ZNF292: variants seen among roughly 807,000 people sequenced by gnomAD.
ZNF292 encodes zinc finger protein 292.
A neutral mutation model predicts 217.9 loss-of-function variants in ZNF292; 26 were observed. The ratio of observed to expected loss-of-function variants is 0.12; its 90% CI spans 0.09 to 0.17. The LOEUF is 0.17. ZNF292 is among the 10% of genes least tolerant of loss of function. The pLI is 1.00. For missense variants in ZNF292, 2,904 were observed against 3,175.2 expected, an observed-to-expected ratio of 0.91 and a Z score of 2.05; for synonymous variants, 1,257 against 1,124.1, an observed-to-expected ratio of 1.12 and a Z score of -2.37.
Position 87,226,685 on chromosome 6 carries a change from A to AT in ZNF292, c.539-6628dup, listed in dbSNP as rs550372225. Among the ~76,000 whole-genome samples, 244 of 35,894 alleles carry AT rather than the reference A, an allele frequency of 6.8e-3. 1 individual carries two copies. The highest frequency in any genetic ancestry group is 0.035 in the South Asian group (38 of 1,084). 23.5% of individuals were successfully genotyped at this position (35,894 alleles called of 152,430 possible). A position where few individuals can be genotyped will look rare whatever the true frequency, so the allele number is the denominator to read the frequency against. ...GATATATAGATATATAGATATATAG[A>AT]TTTTTTTTTTTTGAGACGGAGTCTC... On this transcript the variant is annotated intron_variant, in intron 4 of 7. Coordinates refer to ENST00000369577, the MANE Select transcript of ZNF292 (RefSeq NM_015021.3).
chr6:87,163,811 A>G (rs954410271), intron 1 of ZNF292, among the ~76,000 whole-genome samples: 1 of 152,194 alleles, frequency 6.6e-6, no homozygotes, highest in African/African-American at 2.4e-5. Context: ...AGCTCAGATA[A>G]ATGGACCAAC....
intron 1 of ZNF292, among the ~76,000 whole-genome samples, chr6:87,158,726 G>C (rs897936626): frequency 6.6e-6 from 1 of 152,082 alleles, no homozygotes. Context: ...TTATCACCTA[G>C]CATTTTGATA....
intron 1 of ZNF292, among the ~76,000 whole-genome samples, chr6:87,197,781 A>G (rs941285667): frequency 2.3e-5 from 3 of 131,896 alleles, no homozygotes; most frequent in Non-Finnish European, 3.2e-5. Flanking sequence ...TCAATTTTTT[A>G]TCTAAGAAGT....
chr6:87,239,489 G>GCC (rs1379875459), intron 5 of ZNF292, among the ~76,000 whole-genome samples: 1 of 150,254 alleles, frequency 6.7e-6, no homozygotes, highest in African/African-American at 2.5e-5. Context: ...GGCGGGGGCT[G>GCC]CCCCCCACCT....
chr6:87,197,564 G>A (rs1474929122), intron 1 of ZNF292, among the ~76,000 whole-genome samples: 4 of 150,558 alleles, frequency 2.7e-5, no homozygotes, highest in African/African-American at 7.4e-5. Context: ...GTGAAACTCC[G>A]TCTCTACTAA....
chr6:87,157,908 GGCTGGTCTCGAACT>G (rs1044597987), intron 1 of ZNF292, among the ~76,000 whole-genome samples: 6 of 152,102 alleles, frequency 3.9e-5, no homozygotes, highest in Admixed American at 1.3e-4. Context: ...ATGTCGGCCA[GGCTGGTCTCGAACT>G]GCTGGTCTCG....
intron 4 of ZNF292, chr6:87,222,822 C>T (rs753936189): frequency 3.3e-5 from 15 of 453,146 alleles, no homozygotes; most frequent in South Asian, 2.3e-4. Flanking sequence ...TCTTAGGCTC[C>T]TCTTGGCTGT....
At chr6:87,200,942 G>T (rs990330005) in intron 1 of ZNF292, among the ~76,000 whole-genome samples, 1 of 152,148 alleles carries the variant, frequency 6.6e-6, no homozygotes, top group Admixed American at 6.5e-5. Context: ...GCACTGGGCC[G>T]TTTGCCAGGG....
Position 87,261,300 on chromosome 6 carries a change from G to A in ZNF292, c.7671G>A (p.Glu2557=). 2 of 1,613,448 alleles carry A rather than the reference G, an allele frequency of 1.2e-6. No homozygotes were observed. The highest frequency in any genetic ancestry group is 1.7e-6 in the Non-Finnish European group (2 of 1,179,656). ...AAGCTGAACCAGCATCAGCAGCTGA[G>A]TTAAGTAGCGTGCGTAAAGAAGAAG... ...VEKAEPASAA[E]LSSVRKEEET... is the part of the protein sequence containing the mutation. The change falls in exon 8 of 8, where the codon GAG becomes GAA. Residue 2557 remains glutamate (E), a synonymous_variant. Transcript: ENST00000369577.
At position 87,245,577 on chromosome 6, in the gene ZNF292, G is replaced by A. The variant is rs748966511; in HGVS notation, c.953G>A (p.Arg318His). Residue 318 changes from arginine to histidine, a missense_variant, in exon 7 of 8, where the codon CGT (arginine) becomes CAT (histidine). Arg to His is a conservative substitution (Grantham distance 29, BLOSUM62 0). Coordinates refer to ENST00000369577, the MANE Select transcript of ZNF292 (RefSeq NM_015021.3). ...PSIQVYLERC[R>H]QLSLLTKTVY... ...ATACAAGTGTACCTTGAGAGGTGTC[G>A]TCAACTTTCTTTGTTAACGAAAACA... 1.5e-5 allele frequency: 23 copies of A among 1,565,196 alleles called. No individual in the cohort carries two copies. The highest frequency in any genetic ancestry group is 1.8e-5 in the Admixed American group (1 of 54,088).
chr6:87,188,293 CA>C (rs1478682673), intron 1 of ZNF292, among the ~76,000 whole-genome samples: 1 of 152,132 alleles, frequency 6.6e-6, no homozygotes, highest in Admixed American at 6.5e-5. Context: ...TACAAATGGT[CA>C]GCGTGGCTAG....
At chr6:87,189,425 T>C (rs1771763537) in intron 1 of ZNF292, among the ~76,000 whole-genome samples, 1 of 151,974 alleles carries the variant, frequency 6.6e-6, no homozygotes, top group African/African-American at 2.4e-5. Context: ...AGTCCATACT[T>C]GATTCAGATC....
intron 5 of ZNF292, among the ~76,000 whole-genome samples, chr6:87,239,560 C>G (rs1176936124): frequency 1.3e-5 from 1 of 75,070 alleles, no homozygotes. Flanking sequence ...GACAGGGCGG[C>G]TGCCGGGCGG....
At position 87,255,866 on chromosome 6, in the gene ZNF292, G is replaced by T; in HGVS notation, c.2237G>T (p.Gly746Val). The T allele has an allele frequency of 3.1e-6, 5 of 1,613,770 alleles. No individual in the cohort carries two copies. The highest frequency in any genetic ancestry group is 4.2e-6 in the Non-Finnish European group (5 of 1,179,814). Residue 746 changes from glycine (G) to valine (V), a missense_variant, in exon 8 of 8, where the codon GGC becomes GTC. This residue lies in a region of ZNF292 where 216 missense variants were observed against 308.3 expected (regional missense o/e 0.70). Transcript: ENST00000369577. ...AATGATCACTTACAGATGCACTGTG[G>T]CAGTAAACCATATATCTGTATACAG... ...HLNDHLQMHC[G>V]SKPYICIQMK...
At chr6:87,175,915 A>G (rs1206756283) in intron 1 of ZNF292, among the ~76,000 whole-genome samples, 2 of 152,074 alleles carry the variant, frequency 1.3e-5, no homozygotes, top group Non-Finnish European at 2.9e-5. Flanking sequence ...TTGTGACCCC[A>G]CCTAGACTTA....
chr6:87,179,770 G>A (rs555131096), intron 1 of ZNF292, among the ~76,000 whole-genome samples: 2 of 152,246 alleles, frequency 1.3e-5, no homozygotes, highest in African/African-American at 4.8e-5. Context: ...AGTGCTGTGA[G>A]TAATGAAGTT....
intron 1 of ZNF292, among the ~76,000 whole-genome samples, chr6:87,156,871 T>C (rs1452190939): frequency 6.6e-6 from 1 of 152,240 alleles, no homozygotes; most frequent in Non-Finnish European, 1.5e-5. Flanking sequence ...GTAGTGTTGC[T>C]GGCTCTGGTG....
intron 4 of ZNF292, among the ~76,000 whole-genome samples, chr6:87,227,643 C>G (rs1207804916): frequency 1.3e-5 from 2 of 152,066 alleles, no homozygotes; most frequent in African/African-American, 4.8e-5. Flanking sequence ...CTTTTTGTTT[C>G]TATAATTTTG....
chr6:87,263,873 A>G lies in ZNF292; in HGVS notation c.*2072A>G, dbSNP rs949128669. 2.0e-5 allele frequency: 3 copies of G among 152,158 alleles called. No individual in the cohort carries two copies. The highest frequency in any genetic ancestry group is 7.2e-5 in the African/African-American group (3 of 41,450). 9.4% of individuals were successfully genotyped at this position (152,158 alleles called of 1,614,324 possible). ...GTAGCAAGTAGGTTTATTTCTGATC[A>G]TTGTAACTATGAGCCACTGTTAAGT... is the stretch of plus-strand genomic sequence containing the variant. On this transcript the variant is annotated 3_prime_UTR_variant, in exon 8 of 8. Coordinates refer to ENST00000369577, the MANE Select transcript of ZNF292 (RefSeq NM_015021.3).
Sources: allele counts gnomAD v4.1 joint callset (sites outside exome capture counted in the v4.1 genomes callset), GRCh38; gene constraint gnomAD v4.1.1; regional missense constraint gnomAD v4.1.1; transcripts MANE v1.5; gene names NCBI Gene and HGNC (gene_info 2026-07-23, HGNC 2026-07-21).